The following DIAPH2 variants were observed in gnomAD, a reference collection of about 807,000 sequenced individuals.
DIAPH2 encodes diaphanous related formin 2.
A neutral mutation model predicts 92.7 loss-of-function variants in DIAPH2; 35 were observed. That is an observed-to-expected ratio of 0.38 (90% CI 0.29 to 0.50). DIAPH2 has a LOEUF of 0.50. DIAPH2 is among the 20% of genes least tolerant of loss of function. The pLI is 0.94. For missense variants in DIAPH2, 701 were observed against 819.5 expected, an observed-to-expected ratio of 0.86 and a Z score of 1.77; for synonymous variants, 301 against 280.4, an observed-to-expected ratio of 1.07 and a Z score of -0.73.
intron 4 of DIAPH2, among the ~76,000 whole-genome samples, chrX:96,790,320 C>T (rs1367966473): frequency 9.0e-6 from 1 of 111,021 alleles, no homozygotes; most frequent in East Asian, 2.8e-4. Context: ...ATCCGCCTGC[C>T]TCGGCCTCCC....
At chrX:97,148,989 C>A (rs2067265995) in intron 22 of DIAPH2, among the ~76,000 whole-genome samples, 1 of 111,300 alleles carries the variant, frequency 9.0e-6, no homozygotes. Flanking sequence ...ACAGTAAGGA[C>A]CAAGTCATAG....
intron 26 of DIAPH2, among the ~76,000 whole-genome samples, chrX:97,481,704 T>C (rs1273840488): frequency 9.0e-6 from 1 of 111,338 alleles, no homozygotes; most frequent in Non-Finnish European, 1.9e-5. Flanking sequence ...ATTCATACTC[T>C]TTTGTATCTC....
chrX:97,475,018 T>C (rs1256159130), intron 26 of DIAPH2, among the ~76,000 whole-genome samples: 1 of 110,644 alleles, frequency 9.0e-6, no homozygotes, highest in Non-Finnish European at 1.9e-5. Flanking sequence ...CTAGTTCTTC[T>C]AATTAAATAT....
chrX:97,334,472 A>AAAAAAAAAAAAAAAC (rs1556028856), intron 23 of DIAPH2, among the ~76,000 whole-genome samples: 5 of 84,436 alleles, frequency 5.9e-5, no homozygotes, highest in Non-Finnish European at 8.8e-5. Context: ...CAAAAAAAAA[A>AAAAAAAAAAAAAAAC]AAAAAACAAA....
At chrX:96,884,407 G>A (rs2642219) in intron 5 of DIAPH2, 380,321 of 1,206,248 alleles carry the variant, frequency 0.32, 44,673 homozygotes, top group African/African-American at 0.65. Flanking sequence ...TGCAACTCCT[G>A]CTATTAAGAC....
rs777247444 is a variant in DIAPH2 at position 97,509,555 on chromosome X, T to C, written c.3241+79810T>C. The stretch of plus-strand genomic sequence containing the variant: ...TAAGTTTTAGGGTACATGTGCACAT[T>C]GTGCAGGTTAGTTACATATGTATAC... On this transcript the variant is annotated intron_variant, in intron 26 of 26. Coordinates refer to ENST00000324765, the MANE Select transcript of DIAPH2 (RefSeq NM_006729.5). Among the ~76,000 whole-genome samples the C allele has an allele frequency of 2.3e-3, 223 of 98,218 alleles. 1 individual carries two copies. Among genetic ancestry groups the C allele is most frequent in the African/African-American group, 8.4e-3 (219 of 26,146 alleles). The allele number at this position is 98,218 out of a possible 115,157, so 85.3% of individuals were successfully genotyped here.
At chrX:96,806,359 T>C (rs1367868286) in intron 4 of DIAPH2, among the ~76,000 whole-genome samples, 1 of 111,068 alleles carries the variant, frequency 9.0e-6, no homozygotes, top group Non-Finnish European at 1.9e-5. Context: ...AGAAATTATA[T>C]TTCATAGTCG....
intron 26 of DIAPH2, among the ~76,000 whole-genome samples, chrX:97,536,540 G>T (rs1216090493): frequency 8.9e-6 from 1 of 111,938 alleles, no homozygotes; most frequent in East Asian, 2.8e-4. Context: ...TTTCATATTT[G>T]TATCAGAGTA....
At chrX:97,007,630 T>A (rs1200579466) in intron 17 of DIAPH2, among the ~76,000 whole-genome samples, 1 of 110,788 alleles carries the variant, frequency 9.0e-6, no homozygotes, top group Non-Finnish European at 1.9e-5. Context: ...TTGTTAAATG[T>A]CTTGAGGTAA....
chrX:96,906,587 C>G (rs1448704960), intron 5 of DIAPH2, among the ~76,000 whole-genome samples: 1 of 111,558 alleles, frequency 9.0e-6, no homozygotes, highest in African/African-American at 3.3e-5. Context: ...AATGCAAAAA[C>G]AAGCTTAGAA....
chrX:97,448,301 T>C (rs1260989060), intron 26 of DIAPH2, among the ~76,000 whole-genome samples: 5 of 112,384 alleles, frequency 4.4e-5, no homozygotes, highest in South Asian at 3.7e-4. Context: ...TTCTAACTCC[T>C]TTAATAATGT....
chrX:97,197,138 A>G (rs2067711253), intron 22 of DIAPH2, among the ~76,000 whole-genome samples: 1 of 111,721 alleles, frequency 9.0e-6, no homozygotes, highest in African/African-American at 3.2e-5. Flanking sequence ...ATGAAAGGTA[A>G]ATACAAGTGA....
chrX:97,149,730 CAA>C (rs55853481), intron 22 of DIAPH2, among the ~76,000 whole-genome samples: 2,054 of 31,121 alleles, frequency 0.066, 101 homozygotes, highest in African/African-American at 0.18. Flanking sequence ...GACTCCATCT[CAA>C]AAAAAAAAAA....
intron 26 of DIAPH2, among the ~76,000 whole-genome samples, chrX:97,454,343 CAAA>C (rs1316856860): frequency 9.1e-6 from 1 of 110,357 alleles, no homozygotes; most frequent in Non-Finnish European, 1.9e-5. Flanking sequence ...TCTTAAAAAA[CAAA>C]AAGCAGAATA....
rs187727654 is a variant in DIAPH2 at position 96,803,587 on chromosome X, G to C, written c.447+45329G>C. Among the ~76,000 whole-genome samples, 3 of 112,229 alleles carry C rather than the reference G, an allele frequency of 2.7e-5. No individual in the cohort carries two copies. The East Asian group carries it at 8.4e-4, about 31-fold the overall frequency. ...TGCAGAACAAAGAAAGAATACCTAA[G>C]CCCTAGATAACAATTTCTGCACACA... On this transcript the variant is annotated intron_variant, in intron 4 of 26. Coordinates refer to ENST00000324765, the MANE Select transcript of DIAPH2 (RefSeq NM_006729.5).
At chrX:97,224,596 G>A (rs1407159225) in intron 22 of DIAPH2, among the ~76,000 whole-genome samples, 2 of 111,926 alleles carry the variant, frequency 1.8e-5, no homozygotes, top group African/African-American at 6.5e-5. Context: ...AATATGCTAT[G>A]TTCTCTTCTA....
chrX:97,461,600 T>A (rs1490928226), intron 26 of DIAPH2, among the ~76,000 whole-genome samples: 1 of 111,327 alleles, frequency 9.0e-6, no homozygotes, highest in African/African-American at 3.3e-5. Context: ...CATTATAAAA[T>A]AGGAAGAATT....
intron 23 of DIAPH2, among the ~76,000 whole-genome samples, chrX:97,258,365 G>A (rs2068255570): frequency 9.1e-6 from 1 of 110,378 alleles, no homozygotes; most frequent in African/African-American, 3.3e-5. Context: ...CCTGAGGTCA[G>A]GTGTTCGAGA....
At chrX:97,515,760 GCCTGCT>G (rs1407759709) in intron 26 of DIAPH2, among the ~76,000 whole-genome samples, 1 of 110,308 alleles carries the variant, frequency 9.1e-6, no homozygotes, top group Non-Finnish European at 1.9e-5. Flanking sequence ...AGGTTTTATG[GCCTGCT>G]TCAAGAGAGA....
Sources: gnomAD v4.1 joint callset for allele counts (sites outside exome capture counted in the v4.1 genomes callset) on GRCh38, gnomAD v4.1.1 for gene constraint, MANE v1.5 for transcripts, NCBI Gene and HGNC (gene_info 2026-07-23, HGNC 2026-07-21) for gene names.